NRXN3: variants seen among roughly 807,000 people sequenced by gnomAD.
NRXN3 encodes neurexin III.
In NRXN3, 32 loss-of-function variants were observed where a neutral mutation model predicts 137.6. That is an observed-to-expected ratio of 0.23 (90% CI 0.18 to 0.31). The LOEUF (loss-of-function observed/expected upper bound fraction) is 0.31, where lower values mean the gene tolerates loss of function less well. NRXN3 is among the 10% of genes least tolerant of loss of function. The probability of loss-of-function intolerance (pLI) is 1.00; values close to 1 mark genes in which losing one functional copy is unlikely to be tolerated. For missense variants in NRXN3, 1,574 were observed against 2,062.5 expected (o/e 0.76, Z 4.59); for synonymous variants, 798 against 784.5 (o/e 1.02, Z -0.29).
At chr14:78,433,678 A>G (rs1371421671) in intron 4 of NRXN3, among the ~76,000 whole-genome samples, 2 of 152,116 alleles carry the variant, frequency 1.3e-5, no homozygotes, top group Non-Finnish European at 2.9e-5. Flanking sequence ...TCTATCTTCC[A>G]CTATGGGATG....
chr14:79,365,594 C>T (rs1331560953), intron 15 of NRXN3, among the ~76,000 whole-genome samples: 1 of 150,838 alleles, frequency 6.6e-6, no homozygotes. Context: ...TGGCGGGCGC[C>T]TGTAGTCCCA....
At chr14:79,220,698 T>C (rs370913999) in intron 15 of NRXN3, among the ~76,000 whole-genome samples, 1 of 152,148 alleles carries the variant, frequency 6.6e-6, no homozygotes, top group Admixed American at 6.6e-5. Context: ...TCAGATTGGC[T>C]TCTTTTACTT....
chr14:78,922,444 G>A (rs2099273257), intron 10 of NRXN3, among the ~76,000 whole-genome samples: 1 of 152,174 alleles, frequency 6.6e-6, no homozygotes, highest in Non-Finnish European at 1.5e-5. Context: ...AAAAAAATGT[G>A]TATCAGAGTA....
intron 16 of NRXN3, among the ~76,000 whole-genome samples, chr14:79,501,192 T>C (rs1245487310): frequency 6.6e-6 from 1 of 152,184 alleles, no homozygotes; most frequent in Non-Finnish European, 1.5e-5. Context: ...GTCTGTCCGA[T>C]GCTTTCCAGA....
At chr14:78,985,158 C>T (rs1478708547) in intron 14 of NRXN3, among the ~76,000 whole-genome samples, 1 of 152,174 alleles carries the variant, frequency 6.6e-6, no homozygotes, top group Non-Finnish European at 1.5e-5. Context: ...TGCAGACATG[C>T]TCCTACACTC....
intron 16 of NRXN3, among the ~76,000 whole-genome samples, chr14:79,596,745 G>C (rs528311475): frequency 6.6e-6 from 1 of 152,146 alleles, no homozygotes; most frequent in South Asian, 2.1e-4. Flanking sequence ...GTCGGGGAGG[G>C]GTTTATCTTA....
At chr14:78,895,576 G>A (rs970067667) in intron 10 of NRXN3, among the ~76,000 whole-genome samples, 1 of 151,852 alleles carries the variant, frequency 6.6e-6, no homozygotes, top group Admixed American at 6.6e-5. Context: ...CACTGGAGTA[G>A]CACTTTTAAT....
intron 15 of NRXN3, among the ~76,000 whole-genome samples, chr14:79,224,999 C>G (rs1400626385): frequency 4.6e-5 from 7 of 152,106 alleles, no homozygotes; most frequent in Non-Finnish European, 8.8e-5. Context: ...GAAACTAATA[C>G]AGGAGTCAAG....
intron 19 of NRXN3, among the ~76,000 whole-genome samples, chr14:79,727,563 T>G (rs763245788): frequency 6.6e-6 from 1 of 152,088 alleles, no homozygotes; most frequent in Non-Finnish European, 1.5e-5. Flanking sequence ...ATGACTTGTA[T>G]GTTTCAGGTA....
intron 10 of NRXN3, among the ~76,000 whole-genome samples, chr14:78,864,576 G>C (rs1012964732): frequency 6.6e-6 from 1 of 152,052 alleles, no homozygotes; most frequent in South Asian, 2.1e-4. Flanking sequence ...GGAGATAAAA[G>C]ATTTATTTTC....
chr14:78,759,409 G>T (rs2152971124), intron 8 of NRXN3, among the ~76,000 whole-genome samples: 1 of 152,294 alleles, frequency 6.6e-6, no homozygotes, highest in South Asian at 2.1e-4. Context: ...TGCAAATGAG[G>T]ACACTGGGGC....
At chr14:78,498,826 A>G (rs937356329) in intron 4 of NRXN3, among the ~76,000 whole-genome samples, 1 of 151,456 alleles carries the variant, frequency 6.6e-6, no homozygotes, top group East Asian at 1.9e-4. Flanking sequence ...GGGTCTCACT[A>G]TATCACCCAG....
intron 4 of NRXN3, among the ~76,000 whole-genome samples, chr14:78,414,341 G>T (rs746051203): frequency 6.6e-6 from 1 of 152,078 alleles, no homozygotes; most frequent in Non-Finnish European, 1.5e-5. Context: ...TTGTGTGTAG[G>T]ACTGTGTAAG....
chr14:78,282,127 T>C, intron 3 of NRXN3: 1 of 503,042 alleles, frequency 2.0e-6, no homozygotes. Flanking sequence ...TACCCATTTG[T>C]GGCCTGGCAG....
At chr14:79,126,941 T>C (rs1276550909) in intron 15 of NRXN3, among the ~76,000 whole-genome samples, 1 of 152,226 alleles carries the variant, frequency 6.6e-6, no homozygotes, top group Non-Finnish European at 1.5e-5. Context: ...GTGAGCATTT[T>C]TTCATGTGTT....
chr14:78,830,579 G>A (rs2098978855), intron 10 of NRXN3, among the ~76,000 whole-genome samples: 1 of 151,774 alleles, frequency 6.6e-6, no homozygotes, highest in South Asian at 2.1e-4. Flanking sequence ...TTTAAATCAG[G>A]ATTAGTATAC....
chr14:79,498,667 C>T (rs935313277), intron 16 of NRXN3, among the ~76,000 whole-genome samples: 3 of 152,232 alleles, frequency 2.0e-5, no homozygotes, highest in African/African-American at 7.2e-5. Flanking sequence ...GACCACTTCT[C>T]ACTGCAACTC....
At chr14:78,513,800 C>A (rs994353984) in intron 4 of NRXN3, among the ~76,000 whole-genome samples, 3 of 152,092 alleles carry the variant, frequency 2.0e-5, no homozygotes, top group African/African-American at 7.2e-5. Flanking sequence ...GATTTAAGAT[C>A]CCCATAATTC....
chr14:79,546,286 T>G (rs2097319505), intron 16 of NRXN3, among the ~76,000 whole-genome samples: 1 of 152,188 alleles, frequency 6.6e-6, no homozygotes, highest in Admixed American at 6.6e-5. Context: ...GTGGAGAAAA[T>G]ACTTTCCTTA....
Sources: gnomAD v4.1 joint callset for allele counts (sites outside exome capture counted in the v4.1 genomes callset) on GRCh38, gnomAD v4.1.1 for gene constraint, MANE v1.5 for transcripts, NCBI Gene and HGNC (gene_info 2026-07-23, HGNC 2026-07-21) for gene names.